The following CAMTA1 variants were observed in gnomAD, a reference collection of about 807,000 sequenced individuals.
The protein encoded by CAMTA1 is calmodulin-binding transcription activator 1.
In CAMTA1, 27 loss-of-function variants were observed where a neutral mutation model predicts 170.9. That is an observed-to-expected ratio of 0.16 (90% CI 0.12 to 0.22). The LOEUF (loss-of-function observed/expected upper bound fraction) is 0.22, where lower values mean the gene tolerates loss of function less well. Among genes scored for constraint, CAMTA1 ranks in the 10% least tolerant of loss-of-function variants. The pLI, the probability that CAMTA1 is intolerant of heterozygous loss-of-function variation, is 1.00. For synonymous variants in CAMTA1, 833 were observed against 891.5 expected, an observed-to-expected ratio of 0.93 and a Z score of 1.17; for missense variants, 1,619 against 2,217.2, an observed-to-expected ratio of 0.73 and a Z score of 5.42.
chr1:6,875,795 C>G (rs1669667143), intron 3 of CAMTA1, among the ~76,000 whole-genome samples: 1 of 152,160 alleles, frequency 6.6e-6, no homozygotes, highest in African/African-American at 2.4e-5. Flanking sequence ...AACACTTGCC[C>G]CATCCCAAGA....
At chr1:7,552,625 C>G (rs541438624) in intron 6 of CAMTA1, among the ~76,000 whole-genome samples, 3 of 152,218 alleles carry the variant, frequency 2.0e-5, no homozygotes, top group Non-Finnish European at 4.4e-5. Flanking sequence ...CGGGTCACTG[C>G]CCACGCATAT....
chr1:7,206,209 A>G (rs1431621008), intron 4 of CAMTA1, among the ~76,000 whole-genome samples: 1 of 152,150 alleles, frequency 6.6e-6, no homozygotes, highest in Admixed American at 6.5e-5. Context: ...TATAGTATCA[A>G]TTTGTCTAGC....
intron 3 of CAMTA1, among the ~76,000 whole-genome samples, chr1:6,837,803 G>T (rs887674159): frequency 6.6e-6 from 1 of 152,082 alleles, no homozygotes; most frequent in African/African-American, 2.4e-5. Context: ...TTGTATTTAA[G>T]CAGTTTTCAA....
At chr1:7,290,439 C>T (rs575823319) in intron 5 of CAMTA1, among the ~76,000 whole-genome samples, 48 of 152,272 alleles carry the variant, frequency 3.2e-4, no homozygotes, top group Middle Eastern at 6.8e-3. Context: ...CTATATGTCA[C>T]CCAGCTTTCC....
intron 3 of CAMTA1, among the ~76,000 whole-genome samples, chr1:6,884,332 ACAC>A (rs1557762058): frequency 4.0e-4 from 58 of 144,918 alleles, no homozygotes; most frequent in South Asian, 1.8e-3. Flanking sequence ...ACACACACAC[ACAC>A]AATTTTGTTT....
chr1:6,989,303 C>A (rs1024524441), intron 3 of CAMTA1, among the ~76,000 whole-genome samples: 1 of 152,186 alleles, frequency 6.6e-6, no homozygotes, highest in Admixed American at 6.5e-5. Flanking sequence ...ATTTGACTAA[C>A]GGAGAATTTA....
chr1:6,900,420 T>C (rs969078562), intron 3 of CAMTA1, among the ~76,000 whole-genome samples: 1 of 151,552 alleles, frequency 6.6e-6, no homozygotes, highest in Non-Finnish European at 1.5e-5. Flanking sequence ...AGTTTTTTTT[T>C]CTGGAATTTT....
chr1:6,950,146 G>T (rs1341196728), intron 3 of CAMTA1, among the ~76,000 whole-genome samples: 1 of 152,186 alleles, frequency 6.6e-6, no homozygotes, highest in African/African-American at 2.4e-5. Context: ...CTGCCCAGGG[G>T]CAGGGGATGG....
At chr1:7,516,366 T>G (rs1212742357) in intron 6 of CAMTA1, among the ~76,000 whole-genome samples, 1 of 152,156 alleles carries the variant, frequency 6.6e-6, no homozygotes, top group Non-Finnish European at 1.5e-5. Flanking sequence ...CCTGTTGGAG[T>G]CACACTGTGG....
rs970080915 is a variant in CAMTA1 at position 7,456,801 on chromosome 1, G to A, written c.439-11029G>A. ...TGGGACACAGCAGGGGCCCATGTGGGCCTGGCTGAACGTCCTCAGAGGGTG... is the reference window on the plus strand; with the variant it reads ...TGGGACACAGCAGGGGCCCATGTGGACCTGGCTGAACGTCCTCAGAGGGTG... On this transcript the variant is annotated intron_variant, in intron 5 of 22. Coordinates refer to ENST00000303635, the MANE Select transcript of CAMTA1 (RefSeq NM_015215.4). This position sits in a 1 kb window ranked among gnomAD's most constrained non-coding sequence, Gnocchi z 4.9. Among the ~76,000 whole-genome samples the A allele has an allele frequency of 6.6e-6, 1 of 152,232 alleles. No homozygotes were observed. The highest frequency in any genetic ancestry group is 6.5e-5 in the Admixed American group (1 of 15,284).
chr1:7,640,227 G>A (rs1432093389), intron 6 of CAMTA1, among the ~76,000 whole-genome samples, 173 bp from the exon 7 acceptor site: 1 of 152,098 alleles, frequency 6.6e-6, no homozygotes, highest in Non-Finnish European at 1.5e-5. Flanking sequence ...TCCCACATGC[G>A]CCGGACAGCC....
At chr1:7,728,934 C>T (rs2096711425) in intron 11 of CAMTA1, among the ~76,000 whole-genome samples, 1 of 152,094 alleles carries the variant, frequency 6.6e-6, no homozygotes, top group South Asian at 2.1e-4. Flanking sequence ...GAGTTACCTC[C>T]CTGTGGGAAG....
chr1:7,149,599 A>G (rs1355595673), intron 4 of CAMTA1, among the ~76,000 whole-genome samples: 1 of 152,132 alleles, frequency 6.6e-6, no homozygotes, highest in Admixed American at 6.5e-5. Flanking sequence ...GCTGATTTCC[A>G]TGAAGGCGGA....
Position 6,785,576 on chromosome 1 carries a change from G to T in CAMTA1, c.45+1G>T. 1 of 1,064,268 alleles carries T rather than the reference G, an allele frequency of 9.4e-7. No individual in the cohort carries two copies. Among genetic ancestry groups the T allele is most frequent in the Non-Finnish European group, 1.2e-6 (1 of 864,448 alleles). The allele number at this position is 1,064,268 out of a possible 1,614,324, so 65.9% of individuals were successfully genotyped here. On this transcript the variant is annotated splice_donor_variant, in intron 1 of 22. Coordinates refer to ENST00000303635, the MANE Select transcript of CAMTA1 (RefSeq NM_015215.4). LOFTEE classifies it high-confidence loss of function. ...ATGGCTGCCGAAAACAAGCCGGAAG[G>T]TAAGAGCCGGAGCGCGAGGGGCTGG...
At chr1:6,824,966 G>A (rs552888109) in intron 2 of CAMTA1, 126 bp from the exon 3 acceptor site, 25 of 550,290 alleles carry the variant, frequency 4.5e-5, no homozygotes, top group Non-Finnish European at 7.2e-5. Flanking sequence ...AAGAGGAATA[G>A]TGGGGCCTCT....
rs549265371 is a variant in CAMTA1, at chr1:7,274,287, A to T, written c.438+24661A>T. 2.6e-5 allele frequency among the ~76,000 whole-genome samples: 4 copies of T among 152,282 alleles called. No individual in the cohort carries two copies. In the South Asian group the frequency reaches 6.2e-4, roughly 24 times the overall value. On this transcript the variant is annotated intron_variant, in intron 5 of 22. Transcript: ENST00000303635. ...GGAAAAAATAGAGTGTGCAAATACT[A>T]ACCATAAGAAAACTAAAGTGAATAT...
intron 6 of CAMTA1, among the ~76,000 whole-genome samples, chr1:7,528,257 A>G (rs944642631): frequency 6.6e-6 from 1 of 152,172 alleles, no homozygotes; most frequent in African/African-American, 2.4e-5. Flanking sequence ...CCCTCAAGGA[A>G]AAAGGCCTGG....
At chr1:7,163,210 A>G (rs1647596385) in intron 4 of CAMTA1, among the ~76,000 whole-genome samples, 2 of 146,934 alleles carry the variant, frequency 1.4e-5, no homozygotes, top group Non-Finnish European at 3.0e-5. Context: ...AGAGCCACAG[A>G]TGCTGGTCCG....
chr1:6,794,950 T>A (rs1475223659), intron 1 of CAMTA1, among the ~76,000 whole-genome samples: 1 of 152,024 alleles, frequency 6.6e-6, no homozygotes, highest in Non-Finnish European at 1.5e-5. Flanking sequence ...TCAGGAGCTT[T>A]CTTCTGGTCA....
Sources: allele counts gnomAD v4.1 joint callset (sites outside exome capture counted in the v4.1 genomes callset), GRCh38; gene constraint gnomAD v4.1.1; non-coding constraint Gnocchi (gnomAD v3.1); transcripts MANE v1.5; gene names NCBI Gene and HGNC (gene_info 2026-07-23, HGNC 2026-07-21).